The following PINX1 variants were observed in gnomAD, a reference collection of about 807,000 sequenced individuals.
PINX1 encodes PIN2 (TERF1) interacting telomerase inhibitor 1.
Under a neutral mutation model 25.4 loss-of-function variants are expected in PINX1, and 34 were observed. The observed-to-expected ratio is 1.34, with a 90% CI of 1.02 to 1.78. The LOEUF is 1.78. PINX1 is among the 40% of genes most tolerant of loss of function. PINX1 has a pLI of 0.00. For synonymous variants in PINX1, 197 were observed against 147.7 expected, an observed-to-expected ratio of 1.33 and a Z score of -2.42; for missense variants, 592 against 404.9, an observed-to-expected ratio of 1.46 and a Z score of -3.97.
rs534305773 is a variant in PINX1, at chr8:10,824,370, C to G, written c.394+1782G>C. Reference sequence around the variant, plus strand: ...TCACTCCCTGGACTTTTGCTTCCTTCTCCCTTTCCTACGTAGGCCCAGTCT... The same window carrying G: ...TCACTCCCTGGACTTTTGCTTCCTTGTCCCTTTCCTACGTAGGCCCAGTCT... On this transcript the variant is annotated intron_variant, in intron 5 of 6. Transcript: ENST00000314787. Among the ~76,000 whole-genome samples, 4 of 152,332 alleles carry G rather than the reference C, an allele frequency of 2.6e-5. No individual in the cohort carries two copies. In the South Asian group the frequency reaches 8.3e-4, roughly 32 times the overall value.
At chr8:10,807,841 T>A (rs926288994) in intron 6 of PINX1, among the ~76,000 whole-genome samples, 2 of 152,214 alleles carry the variant, frequency 1.3e-5, no homozygotes, top group Non-Finnish European at 2.9e-5. Flanking sequence ...TGGGGAAAAG[T>A]CCAGGAGGCC....
chr8:10,831,694 A>G lies in PINX1; in HGVS notation c.272T>C (p.Leu91Pro), dbSNP rs775380934. 1.2e-6 allele frequency: 2 copies of G among 1,604,550 alleles called. No homozygotes were observed. Among genetic ancestry groups the G allele is most frequent in the Non-Finnish European group, 1.7e-6 (2 of 1,174,372 alleles). The change falls in exon 4 of 7, where the codon CTG becomes CCG. Residue 91 changes from leucine (L) to proline (P), a missense_variant. Coordinates refer to ENST00000314787, the MANE Select transcript of PINX1 (RefSeq NM_017884.6). ...QDDFNQLLAE[L>P]NTCHGQETTD... ...GGTTTCCTGCCCATGGCAAGTGTTC[A>G]GTTCGGCCAGAAGCTGGTTAAAATC...
At chr8:10,834,159 C>G (rs1798320223) in intron 2 of PINX1, among the ~76,000 whole-genome samples, 1 of 152,144 alleles carries the variant, frequency 6.6e-6, no homozygotes. Context: ...AAAGAAGAGA[C>G]AGCAACAAAT....
chr8:10,832,037 G>A (rs1383783743), intron 3 of PINX1, among the ~76,000 whole-genome samples: 2 of 152,202 alleles, frequency 1.3e-5, no homozygotes, highest in Non-Finnish European at 2.9e-5. Flanking sequence ...CAACCTGTGT[G>A]CTAAATGTTA....
At chr8:10,814,674 A>T (rs367862801) in intron 6 of PINX1, among the ~76,000 whole-genome samples, 4 of 152,258 alleles carry the variant, frequency 2.6e-5, no homozygotes, top group African/African-American at 9.6e-5. Flanking sequence ...CTTATTTATT[A>T]GAACGTTTCA....
At chr8:10,829,789 G>A (rs7825100) in intron 4 of PINX1, among the ~76,000 whole-genome samples, 50,099 of 151,892 alleles carry the variant, frequency 0.33, 8,739 homozygotes, top group African/African-American at 0.44. Context: ...AGGTTCAAGC[G>A]ATTCTCCTGC....
rs561715983 is a variant in PINX1 at position 10,789,721 on chromosome 8, A to C, written c.472-23805T>G. Among the ~76,000 whole-genome samples, 7 of 152,296 alleles carry C rather than the reference A, an allele frequency of 4.6e-5. No homozygotes were observed. The South Asian group carries it at 1.5e-3, about 32-fold the overall frequency. ...ACGTGTTCAATTGTTTTTCAAGTTC[A>C]GTATTGTCCGTATCCGATGACCCTG... On this transcript the variant is annotated intron_variant, in intron 6 of 6. Coordinates refer to ENST00000314787, the MANE Select transcript of PINX1 (RefSeq NM_017884.6).
intron 1 of PINX1, among the ~76,000 whole-genome samples, chr8:10,837,247 C>T (rs1348292303): frequency 6.6e-6 from 1 of 152,140 alleles, no homozygotes; most frequent in Non-Finnish European, 1.5e-5. Context: ...TCCCTAGCAC[C>T]GAGTCTCTCA....
Position 10,765,063 on chromosome 8 carries a change from C to T in PINX1, c.*338G>A, listed in dbSNP as rs1800984504. The T allele has an allele frequency of 1.7e-5, 4 of 240,402 alleles. No individual in the cohort carries two copies. The South Asian group carries it at 4.9e-4, about 29-fold the overall frequency. 14.9% of individuals were successfully genotyped at this position (240,402 alleles called of 1,614,324 possible). On this transcript the variant is annotated 3_prime_UTR_variant, in exon 7 of 7. Transcript: ENST00000314787. ...GCAAACGGAGATAGTGACACACACA[C>T]ACACACACAGATGCGCACATGCACA... is the stretch of plus-strand genomic sequence containing the variant.
At chr8:10,819,836 T>G (rs145873283) in intron 6 of PINX1, among the ~76,000 whole-genome samples, 1 of 152,134 alleles carries the variant, frequency 6.6e-6, no homozygotes, top group Non-Finnish European at 1.5e-5. Context: ...AGTAATGCAG[T>G]TTGAGCAGAA....
chr8:10,767,722 C>A (rs1022118319), intron 6 of PINX1, among the ~76,000 whole-genome samples: 1 of 151,920 alleles, frequency 6.6e-6, no homozygotes, highest in Non-Finnish European at 1.5e-5. Flanking sequence ...GGCACCCTCA[C>A]AGCCACAGAG....
chr8:10,789,920 T>C (rs1304087615), intron 6 of PINX1, among the ~76,000 whole-genome samples: 5 of 152,204 alleles, frequency 3.3e-5, no homozygotes, highest in African/African-American at 9.7e-5. Context: ...GTACTGCTTT[T>C]ATAATTTAAA....
intron 6 of PINX1, among the ~76,000 whole-genome samples, chr8:10,794,482 T>C: frequency 6.6e-6 from 1 of 152,052 alleles, no homozygotes; most frequent in East Asian, 1.9e-4. Context: ...TTGCCCAGGC[T>C]GGAGTGCACT....
chr8:10,834,497 G>T, intron 2 of PINX1, 169 bp downstream of exon 2: 3 of 974,818 alleles, frequency 3.1e-6, no homozygotes, highest in Non-Finnish European at 4.4e-6. Flanking sequence ...TGACACTTAT[G>T]TCCAATCCTA....
intron 5 of PINX1, among the ~76,000 whole-genome samples, chr8:10,824,749 G>C (rs138239417): frequency 6.6e-6 from 1 of 152,340 alleles, no homozygotes; most frequent in Non-Finnish European, 1.5e-5. Context: ...AAGCGTAAAA[G>C]GCTGCCACAT....
At position 10,809,095 on chromosome 8, in the gene PINX1, T is replaced by C. The variant is rs573642230; in HGVS notation, c.471+11098A>G. On this transcript the variant is annotated intron_variant, in intron 6 of 6. Transcript: ENST00000314787. ...GGACATTTTTCATTGTGAGGTATGA[T>C]GGTTTATTTCAGCTAATGTTTGGTC... Among the ~76,000 whole-genome samples, 10 of 152,366 alleles carry C rather than the reference T, an allele frequency of 6.6e-5. No homozygotes were observed. The East Asian group carries it at 9.6e-4, about 15-fold the overall frequency.
intron 6 of PINX1, among the ~76,000 whole-genome samples, chr8:10,788,452 C>T (rs906180614): frequency 6.6e-6 from 1 of 152,056 alleles, no homozygotes; most frequent in Admixed American, 6.5e-5. Context: ...GCAATCCCAG[C>T]TGCTCAGGAG....
At chr8:10,811,987 A>T (rs931239304) in intron 6 of PINX1, among the ~76,000 whole-genome samples, 27 of 152,170 alleles carry the variant, frequency 1.8e-4, no homozygotes, top group African/African-American at 6.5e-4. Context: ...ATCTTTGGAA[A>T]ACAGAATCTG....
chr8:10,830,119 T>A (rs1798184579), intron 4 of PINX1, among the ~76,000 whole-genome samples: 1 of 152,238 alleles, frequency 6.6e-6, no homozygotes, highest in African/African-American at 2.4e-5. Context: ...TCATTCAGTA[T>A]TTTCAGAAAA....
Sources: allele counts gnomAD v4.1 joint callset (sites outside exome capture counted in the v4.1 genomes callset), GRCh38; gene constraint gnomAD v4.1.1; transcripts MANE v1.5; gene names NCBI Gene and HGNC (gene_info 2026-07-23, HGNC 2026-07-21).